Variants in RASSF5 observed in about 807,000 individuals in gnomAD.
The protein encoded by RASSF5 is ras association domain-containing protein 5.
A neutral mutation model predicts 40.5 loss-of-function variants in RASSF5; 25 were observed. The observed-to-expected ratio is 0.62, with a 90% CI of 0.45 to 0.86. The LOEUF is 0.86. Ranked by LOEUF, RASSF5 falls within the 40% of genes least tolerant of loss-of-function variation. The probability of loss-of-function intolerance (pLI) is 0.00; values close to 1 mark genes in which losing one functional copy is unlikely to be tolerated. For synonymous variants in RASSF5, 246 were observed against 252.4 expected (o/e 0.97, Z 0.24); for missense variants, 521 against 572.8 (o/e 0.91, Z 0.92).
rs552570944 is a variant in RASSF5, at chr1:206,535,749, A to T, written c.458-2423A>T. On this transcript the variant is annotated intron_variant, in intron 1 of 5. Transcript: ENST00000579436. The surrounding 1 kb of genome is among the most constrained non-coding windows in gnomAD (Gnocchi z 5.0). Reference sequence around the variant, plus strand: ...GTGTGTGTGTGTGTGTGTGTGAGAGAGAGAGAGAGAGATGGAAATTGAGAG... The same window carrying T: ...GTGTGTGTGTGTGTGTGTGTGAGAGTGAGAGAGAGAGATGGAAATTGAGAG... Among the ~76,000 whole-genome samples, 1,386 of 150,938 alleles carry T rather than the reference A, an allele frequency of 9.2e-3. 25 individuals carry two copies. Among genetic ancestry groups the T allele is most frequent in the African/African-American group, 0.032 (1,316 of 40,786 alleles).
Position 206,507,691 on chromosome 1 carries a change from GC to G in RASSF5, c.93del (p.Glu32SerfsTer134). 6.7e-7 allele frequency: 1 copy of G among 1,499,354 alleles called. No homozygotes were observed. 92.9% of individuals were successfully genotyped at this position (1,499,354 alleles called of 1,614,324 possible). A position where few individuals can be genotyped will look rare whatever the true frequency, so the allele number is the denominator to read the frequency against. ...CCGCGCTATCTACAGAGCCTGAGCG[GC>G]CCCGAGCTACCGCCGCCGCCCCCCG... Reference protein sequence around the residue: ...EPPRYLQSLSGPELPPPPPDR... With the variant: ...EPPRYLQSLSXPELPPPPPDR... On this transcript the variant is annotated frameshift_variant, in exon 1 of 6. Transcript: ENST00000579436. LOFTEE classifies it high-confidence loss of function.
chr1:206,574,042 C>G (rs1248656474), intron 2 of RASSF5, among the ~76,000 whole-genome samples: 1 of 152,232 alleles, frequency 6.6e-6, no homozygotes, highest in Non-Finnish European at 1.5e-5. Context: ...AGGGCAGTGC[C>G]TGACTACTGT....
At chr1:206,573,022 A>G (rs983210350) in intron 2 of RASSF5, among the ~76,000 whole-genome samples, 1 of 152,222 alleles carries the variant, frequency 6.6e-6, no homozygotes, top group Non-Finnish European at 1.5e-5. Context: ...GATGATCATG[A>G]TCATGATGAT....
intron 1 of RASSF5, among the ~76,000 whole-genome samples, chr1:206,523,600 T>TATATTTTATATATATATAAAATATATAAA (rs1553396487): frequency 1.4e-4 from 14 of 102,182 alleles, no homozygotes; most frequent in Non-Finnish European, 2.0e-4. Context: ...TAAAACCATA[T>TATATTTTATATATATATAAAATATATAAA]ATATTTTATA....
chr1:206,582,976 G>A (rs1214916266), intron 2 of RASSF5: 12 of 261,562 alleles, frequency 4.6e-5, no homozygotes, highest in African/African-American at 9.0e-5. Flanking sequence ...AGTGCCAGAC[G>A]CTTTCACACT....
chr1:206,523,749 T>C (rs1337644340), intron 1 of RASSF5, among the ~76,000 whole-genome samples: 3 of 99,744 alleles, frequency 3.0e-5, no homozygotes, highest in African/African-American at 8.2e-5. Context: ...ATATATTTTA[T>C]ATAATATACA....
intron 2 of RASSF5, 74 bp from the exon 3 acceptor site, chr1:206,583,195 G>A: frequency 2.1e-6 from 2 of 946,618 alleles, no homozygotes; most frequent in South Asian, 1.3e-5. Context: ...AGAGGCTTTG[G>A]GGAGGGCGTG....
At chr1:206,511,256 G>A (rs1353108411) in intron 1 of RASSF5, among the ~76,000 whole-genome samples, 1 of 152,198 alleles carries the variant, frequency 6.6e-6, no homozygotes, top group Admixed American at 6.5e-5. Flanking sequence ...TGGTGATGGC[G>A]AGAATGCATT....
In RASSF5 at chr1:206,552,460, A is replaced by G. The variant is rs1397122235; in HGVS notation, c.579+14167A>G. On this transcript the variant is annotated intron_variant, in intron 2 of 5. Coordinates refer to ENST00000579436, the MANE Select transcript of RASSF5 (RefSeq NM_182663.4). The surrounding 1 kb of genome is among the most constrained non-coding windows in gnomAD (Gnocchi z 4.1). ...AGCAAGAGCTAAGCCACAAGAGGGA[A>G]GGGTGGCTTCTGGGAATGTGGATCG... Among the ~76,000 whole-genome samples the G allele has an allele frequency of 2.0e-5, 3 of 152,314 alleles. No homozygotes were observed. Among genetic ancestry groups the G allele is most frequent in the South Asian group, 2.1e-4 (1 of 4,832 alleles).
In RASSF5 at chr1:206,570,876, C is replaced by T. The variant is rs188805689; in HGVS notation, c.580-12393C>T. Among the ~76,000 whole-genome samples, 16 of 152,236 alleles carry T rather than the reference C, an allele frequency of 1.1e-4. No homozygotes were observed. In the East Asian group the frequency reaches 2.5e-3, roughly 24 times the overall value. On this transcript the variant is annotated intron_variant, in intron 2 of 5. Coordinates refer to ENST00000579436, the MANE Select transcript of RASSF5 (RefSeq NM_182663.4). Reference sequence around the variant, plus strand: ...CTTTTTTGGCTACTGTGAATCGTGCCGCTGCAAACCTGGGTGTTCAAATAC... The same window carrying T: ...CTTTTTTGGCTACTGTGAATCGTGCTGCTGCAAACCTGGGTGTTCAAATAC...
intron 2 of RASSF5, among the ~76,000 whole-genome samples, chr1:206,573,272 G>A (rs1181900177): frequency 1.3e-5 from 2 of 152,144 alleles, no homozygotes; most frequent in Non-Finnish European, 2.9e-5. Context: ...TCAATCCCGT[G>A]AGGCAATAAA....
At chr1:206,524,057 G>A (rs1308486184) in intron 1 of RASSF5, among the ~76,000 whole-genome samples, 1 of 104,746 alleles carries the variant, frequency 9.5e-6, no homozygotes, top group African/African-American at 3.4e-5. Flanking sequence ...TATATAATAG[G>A]TATAACATAT....
chr1:206,540,162 C>T (rs531848606), intron 2 of RASSF5, among the ~76,000 whole-genome samples: 1 of 152,196 alleles, frequency 6.6e-6, no homozygotes, highest in Non-Finnish European at 1.5e-5. Context: ...AACAGCCCCC[C>T]ACAACAAAGA....
At chr1:206,556,885 C>T (rs1403301935) in intron 2 of RASSF5, among the ~76,000 whole-genome samples, 2 of 151,912 alleles carry the variant, frequency 1.3e-5, no homozygotes, top group Non-Finnish European at 2.9e-5. Context: ...ATGGTGTTGC[C>T]CTTATAGCTA....
intron 5 of RASSF5, chr1:206,585,504 T>C (rs557246081): frequency 1.7e-4 from 77 of 443,926 alleles, no homozygotes; most frequent in African/African-American, 1.4e-3. Flanking sequence ...CATTAGGGCC[T>C]GTGTGTGGCA....
intron 2 of RASSF5, among the ~76,000 whole-genome samples, chr1:206,539,177 A>C (rs1023663158): frequency 1.3e-5 from 2 of 152,238 alleles, no homozygotes; most frequent in African/African-American, 4.8e-5. Context: ...TCATTTAACA[A>C]ATAAGTTTCG....
In RASSF5 at chr1:206,586,810, C is replaced by G. The variant is rs1337085295; in HGVS notation, c.1105-16C>G. ...CTATTCTGTTTCTTCCCACAAATCT[C>G]CCTCTCGCCTCACAGTGGGATGCCT... is the stretch of plus-strand genomic sequence containing the variant. On this transcript the variant is annotated splice_polypyrimidine_tract_variant and intron_variant, in intron 5 of 5. Transcript: ENST00000579436. The G allele has an allele frequency of 6.2e-7, 1 of 1,605,992 alleles. No individual in the cohort carries two copies. The highest frequency in any genetic ancestry group is 1.1e-5 in the South Asian group (1 of 90,732).
intron 1 of RASSF5, chr1:206,529,715 T>C (rs1667187973): frequency 4.5e-6 from 3 of 668,548 alleles, no homozygotes; most frequent in Non-Finnish European, 5.4e-6. Flanking sequence ...AAATGCACAC[T>C]GTTGAGTTTT....
chr1:206,586,746 G>A (rs1669131768), intron 5 of RASSF5, 80 bp from the exon 6 acceptor site: 1 of 1,072,772 alleles, frequency 9.3e-7, no homozygotes, highest in Non-Finnish European at 1.4e-6. Context: ...GGGGAAGGCA[G>A]CAGGGTCTCT....
Sources: gnomAD v4.1 joint callset for allele counts (sites outside exome capture counted in the v4.1 genomes callset) on GRCh38, gnomAD v4.1.1 for gene constraint, Gnocchi (gnomAD v3.1) non-coding constraint, MANE v1.5 for transcripts, NCBI Gene and HGNC (gene_info 2026-07-23, HGNC 2026-07-21) for gene names.